The following KHDRBS3 variants were observed in gnomAD, a reference collection of about 807,000 sequenced individuals.
The protein encoded by KHDRBS3 is KH domain-containing, RNA-binding, signal transduction-associated protein 3.
In KHDRBS3, 23 loss-of-function variants were observed where a neutral mutation model predicts 45.6. That is an observed-to-expected ratio of 0.50 (90% confidence interval 0.36 to 0.72). The LOEUF (loss-of-function observed/expected upper bound fraction) is 0.72. KHDRBS3 is among the 30% of genes least tolerant of loss of function. The probability of loss-of-function intolerance (pLI) is 0.00; values close to 1 mark genes in which losing one functional copy is unlikely to be tolerated. For synonymous variants in KHDRBS3, 162 were observed against 156.5 expected, an observed-to-expected ratio of 1.04 and a Z score of -0.26; for missense variants, 352 against 424.8, an observed-to-expected ratio of 0.83 and a Z score of 1.51.
chr8:135,458,559 C>T, intron 1 of KHDRBS3: 1 of 311,364 alleles, frequency 3.2e-6, no homozygotes, highest in Non-Finnish European at 6.2e-6. Context: ...TGTGTCCAGG[C>T]TCCAACAGCC....
Position 135,494,538 on chromosome 8 carries a change from A to G in KHDRBS3, c.89-26699A>G. Among the ~76,000 whole-genome samples, 2 of 152,150 alleles carry G rather than the reference A, an allele frequency of 1.3e-5. 1 individual carries two copies. The highest frequency in any genetic ancestry group is 1.3e-4 in the Admixed American group (2 of 15,280). On this transcript the variant is annotated intron_variant, in intron 1 of 8. Transcript: ENST00000355849. The stretch of plus-strand genomic sequence containing the variant: ...CGTGATCCACCCACCTCGGCCTCCT[A>G]AAGTGCTGGGATTACAGGCTTGAGC...
chr8:135,650,290 C>T (rs2131217669), downstream of KHDRBS3, among the ~76,000 whole-genome samples: 1 of 152,310 alleles, frequency 6.6e-6, no homozygotes, highest in Non-Finnish European at 1.5e-5. Flanking sequence ...CATACCCGTC[C>T]TTCAGAACTC....
chr8:135,651,216 C>T (rs984771600), downstream of KHDRBS3, among the ~76,000 whole-genome samples: 11 of 151,940 alleles, frequency 7.2e-5, no homozygotes, highest in Admixed American at 2.0e-4. Flanking sequence ...GCTTTGTGAC[C>T]TTGAGTCAGT....
At chr8:135,632,751 C>T (rs527830338) in intron 7 of KHDRBS3, among the ~76,000 whole-genome samples, 2 of 152,242 alleles carry the variant, frequency 1.3e-5, no homozygotes, top group African/African-American at 4.8e-5. Flanking sequence ...TCTCAGTGGC[C>T]TGCATGACCC....
chr8:135,560,131 G>T (rs546558342), intron 5 of KHDRBS3, among the ~76,000 whole-genome samples: 1 of 152,102 alleles, frequency 6.6e-6, no homozygotes, highest in Admixed American at 6.5e-5. Context: ...AATCTTCTTA[G>T]TGAAATATAG....
chr8:135,553,397 C>T (rs556049329), intron 4 of KHDRBS3, among the ~76,000 whole-genome samples: 1 of 151,968 alleles, frequency 6.6e-6, no homozygotes, highest in East Asian at 1.9e-4. Flanking sequence ...TACCAGAAGT[C>T]GCATGTCCTA....
chr8:135,587,052 A>G (rs1304401370), intron 6 of KHDRBS3, among the ~76,000 whole-genome samples: 2 of 152,210 alleles, frequency 1.3e-5, no homozygotes, highest in Non-Finnish European at 2.9e-5. Flanking sequence ...TTCTTTTTAA[A>G]TACTTATATT....
At chr8:135,458,242 G>A in intron 1 of KHDRBS3, 1 of 1,164,488 alleles carries the variant, frequency 8.6e-7, no homozygotes, top group African/African-American at 1.6e-5. Flanking sequence ...CTTCTGGGTG[G>A]GGGACAGCGA....
At chr8:135,537,580 G>A (rs1825843088) in intron 2 of KHDRBS3, among the ~76,000 whole-genome samples, 1 of 152,010 alleles carries the variant, frequency 6.6e-6, no homozygotes, top group African/African-American at 2.4e-5. Context: ...ACCAACTCAG[G>A]GTATGTGACT....
chr8:135,614,875 G>A (rs1344799811), intron 7 of KHDRBS3, among the ~76,000 whole-genome samples: 1 of 151,836 alleles, frequency 6.6e-6, no homozygotes, highest in East Asian at 1.9e-4. Flanking sequence ...TTTGCAGTGG[G>A]GAAGAGAGAC....
intron 1 of KHDRBS3, among the ~76,000 whole-genome samples, chr8:135,478,319 G>A (rs536976337): frequency 6.6e-6 from 1 of 152,308 alleles, no homozygotes; most frequent in African/African-American, 2.4e-5. Flanking sequence ...ATTTGTTACA[G>A]TGACAACAGG....
chr8:135,589,024 C>A (rs1324962809), intron 6 of KHDRBS3, among the ~76,000 whole-genome samples: 1 of 152,176 alleles, frequency 6.6e-6, no homozygotes, highest in Non-Finnish European at 1.5e-5. Context: ...TCACTTGTTC[C>A]TCATGAATAG....
chr8:135,542,434 T>C, intron 2 of KHDRBS3: 1 of 462,126 alleles, frequency 2.2e-6, no homozygotes, highest in Non-Finnish European at 3.9e-6. Context: ...TAGCCATCAC[T>C]GAAATAAATA....
At chr8:135,471,109 C>T (rs529397616) in intron 1 of KHDRBS3, among the ~76,000 whole-genome samples, 2 of 152,256 alleles carry the variant, frequency 1.3e-5, no homozygotes, top group South Asian at 4.1e-4. Flanking sequence ...AATTGATACT[C>T]GTTGTATACT....
At chr8:135,507,562 C>G (rs1197375812) in intron 1 of KHDRBS3, among the ~76,000 whole-genome samples, 1 of 152,076 alleles carries the variant, frequency 6.6e-6, no homozygotes, top group South Asian at 2.1e-4. Flanking sequence ...AACGAAATCC[C>G]TACGTTTTTA....
At chr8:135,547,547 C>T (rs924546366) in intron 3 of KHDRBS3, among the ~76,000 whole-genome samples, 1 of 152,184 alleles carries the variant, frequency 6.6e-6, no homozygotes, top group African/African-American at 2.4e-5. Context: ...ATGCCCATTT[C>T]CCGCTCTGTG....
At chr8:135,645,298 A>G (rs1831238506) in intron 8 of KHDRBS3, among the ~76,000 whole-genome samples, 181 bp downstream of exon 8, 1 of 152,226 alleles carries the variant, frequency 6.6e-6, no homozygotes, top group East Asian at 1.9e-4. Context: ...TTTGAAGAGG[A>G]CTAAAGACTT....
At chr8:135,636,669 A>G (rs978955102) in intron 7 of KHDRBS3, among the ~76,000 whole-genome samples, 2 of 152,098 alleles carry the variant, frequency 1.3e-5, no homozygotes, top group Non-Finnish European at 2.9e-5. Flanking sequence ...AACATTTGAC[A>G]CCTCATGCAG....
intron 1 of KHDRBS3, among the ~76,000 whole-genome samples, chr8:135,518,632 T>G (rs892059922): frequency 6.6e-6 from 1 of 152,216 alleles, no homozygotes; most frequent in Non-Finnish European, 1.5e-5. Flanking sequence ...AAATAGATAA[T>G]GAAGGGTGGG....
Sources: gnomAD v4.1 joint callset for allele counts (sites outside exome capture counted in the v4.1 genomes callset) on GRCh38, gnomAD v4.1.1 for gene constraint, MANE v1.5 for transcripts, NCBI Gene and HGNC (gene_info 2026-07-23, HGNC 2026-07-21) for gene names.